CLSTN2: variants seen among roughly 807,000 people sequenced by gnomAD.
CLSTN2 encodes the protein calsyntenin 2.
A neutral mutation model predicts 101.2 loss-of-function variants in CLSTN2; 48 were observed. That is an observed-to-expected ratio of 0.47 (90% CI 0.38 to 0.60). The LOEUF (loss-of-function observed/expected upper bound fraction) is 0.60, where lower values mean the gene tolerates loss of function less well. Ranked by LOEUF, CLSTN2 falls within the 20% of genes least tolerant of loss-of-function variation. The pLI is 0.00. For missense variants in CLSTN2, 1,160 were observed against 1,238.2 expected (o/e 0.94, Z 0.95); for synonymous variants, 481 against 463.6 (o/e 1.04, Z -0.48).
chr3:140,433,082 T>C (rs1024278952), intron 5 of CLSTN2, among the ~76,000 whole-genome samples: 2 of 152,196 alleles, frequency 1.3e-5, no homozygotes, highest in Admixed American at 1.3e-4. Context: ...ACAATGCATC[T>C]CAAAGGAAAG....
chr3:140,051,736 G>A (rs1220951354), intron 1 of CLSTN2, among the ~76,000 whole-genome samples: 1 of 152,194 alleles, frequency 6.6e-6, no homozygotes, highest in Non-Finnish European at 1.5e-5. Flanking sequence ...CAGAGATGGT[G>A]GTGTCATTGG....
intron 2 of CLSTN2, among the ~76,000 whole-genome samples, chr3:140,268,413 T>C (rs2107887880): frequency 6.6e-6 from 1 of 152,322 alleles, no homozygotes; most frequent in Non-Finnish European, 1.5e-5. Context: ...CAGGAAGATC[T>C]GTAGCAGGAG....
intron 8 of CLSTN2, among the ~76,000 whole-genome samples, chr3:140,474,371 C>A (rs1186214140): frequency 6.6e-6 from 1 of 152,126 alleles, no homozygotes; most frequent in Non-Finnish European, 1.5e-5. Flanking sequence ...TTAAAACCCC[C>A]ATTCACTGCT....
intron 4 of CLSTN2, among the ~76,000 whole-genome samples, chr3:140,408,425 C>A (rs1193182541): frequency 6.6e-6 from 1 of 152,116 alleles, no homozygotes; most frequent in Non-Finnish European, 1.5e-5. Flanking sequence ...TCCCTAGTGA[C>A]TGCTCTGCAT....
chr3:140,258,733 A>G (rs1013987610), intron 2 of CLSTN2, among the ~76,000 whole-genome samples: 6 of 151,978 alleles, frequency 3.9e-5, no homozygotes, highest in Non-Finnish European at 8.8e-5. Flanking sequence ...GGGGCACAAG[A>G]CCTCTTCGGG....
At chr3:139,967,855 C>A (rs1474939144) in intron 1 of CLSTN2, among the ~76,000 whole-genome samples, 1 of 152,082 alleles carries the variant, frequency 6.6e-6, no homozygotes, top group African/African-American at 2.4e-5. Context: ...GATGTGCAGG[C>A]AGAAACTACC....
At chr3:140,503,587 A>G (rs1934624933) in intron 8 of CLSTN2, among the ~76,000 whole-genome samples, 1 of 151,938 alleles carries the variant, frequency 6.6e-6, no homozygotes, top group African/African-American at 2.4e-5. Flanking sequence ...TAAGCGATGC[A>G]TGACTGTAAC....
intron 2 of CLSTN2, among the ~76,000 whole-genome samples, chr3:140,271,384 A>G (rs1423857988): frequency 6.6e-6 from 1 of 152,196 alleles, no homozygotes; most frequent in African/African-American, 2.4e-5. Context: ...TAACAATGTT[A>G]CCGAACACTG....
intron 1 of CLSTN2, among the ~76,000 whole-genome samples, chr3:140,148,162 C>G (rs1469342970): frequency 6.6e-6 from 1 of 152,174 alleles, no homozygotes; most frequent in East Asian, 1.9e-4. Context: ...CTCTGTAGGA[C>G]CTCAAGGCTG....
intron 1 of CLSTN2, among the ~76,000 whole-genome samples, chr3:140,027,603 A>G (rs1453755477): frequency 6.6e-6 from 1 of 152,122 alleles, no homozygotes; most frequent in Non-Finnish European, 1.5e-5. Flanking sequence ...AGACTCCATG[A>G]TTCTCATTCC....
chr3:140,311,287 C>CCT (rs2087164690), intron 2 of CLSTN2, among the ~76,000 whole-genome samples: 1 of 52,064 alleles, frequency 1.9e-5, no homozygotes. Flanking sequence ...GTTTATTATC[C>CCT]TTTTTTTTTT....
intron 8 of CLSTN2, among the ~76,000 whole-genome samples, chr3:140,523,033 C>T (rs1179037987): frequency 6.6e-6 from 1 of 152,174 alleles, no homozygotes; most frequent in African/African-American, 2.4e-5. Context: ...TTTGTCTTTG[C>T]TCAGTGCCCT....
intron 2 of CLSTN2, among the ~76,000 whole-genome samples, chr3:140,307,213 T>G (rs1308500253): frequency 6.6e-6 from 1 of 152,164 alleles, no homozygotes; most frequent in Non-Finnish European, 1.5e-5. Context: ...CTCTTTCTTT[T>G]GTAAATTGCC....
intron 2 of CLSTN2, among the ~76,000 whole-genome samples, chr3:140,363,790 G>A (rs1447182343): frequency 6.6e-6 from 1 of 152,176 alleles, no homozygotes; most frequent in South Asian, 2.1e-4. Context: ...GTTTCACGAA[G>A]ACCCTCTAGT....
At chr3:140,364,172 A>G (rs1321174187) in intron 2 of CLSTN2, among the ~76,000 whole-genome samples, 1 of 152,102 alleles carries the variant, frequency 6.6e-6, no homozygotes, top group Non-Finnish European at 1.5e-5. Context: ...GAGTGGACAC[A>G]GTTATTTTTC....
intron 2 of CLSTN2, among the ~76,000 whole-genome samples, chr3:140,352,545 G>C (rs150302452): frequency 1.3e-5 from 2 of 152,210 alleles, no homozygotes; most frequent in South Asian, 2.1e-4. Flanking sequence ...GTAAATGTAC[G>C]TTACAGTAGA....
At chr3:140,105,688 C>T (rs1405567941) in intron 1 of CLSTN2, among the ~76,000 whole-genome samples, 1 of 152,170 alleles carries the variant, frequency 6.6e-6, no homozygotes, top group Non-Finnish European at 1.5e-5. Context: ...ACCCCCGGCA[C>T]CATGGGCCCC....
At chr3:140,307,852 G>A (rs1462671076) in intron 2 of CLSTN2, among the ~76,000 whole-genome samples, 1 of 152,176 alleles carries the variant, frequency 6.6e-6, no homozygotes, top group Non-Finnish European at 1.5e-5. Context: ...ATAGAGCAAT[G>A]CCAAACCAAT....
chr3:140,328,104 C>A (rs1312862612), intron 2 of CLSTN2, among the ~76,000 whole-genome samples: 1 of 150,722 alleles, frequency 6.6e-6, no homozygotes, highest in Non-Finnish European at 1.5e-5. Context: ...ACTGATTTAA[C>A]TTCTTCTGAA....
Sources: gnomAD v4.1 joint callset for allele counts (sites outside exome capture counted in the v4.1 genomes callset) on GRCh38, gnomAD v4.1.1 for gene constraint, MANE v1.5 for transcripts, NCBI Gene and HGNC (gene_info 2026-07-23, HGNC 2026-07-21) for gene names.